The following ELMO1 variants were observed in gnomAD, a reference collection of about 807,000 sequenced individuals.
The protein encoded by ELMO1 is engulfment and cell motility 1.
ELMO1 carries 26 observed loss-of-function variants against 98.9 expected under a neutral mutation model. The observed-to-expected ratio is 0.26, with a 90% CI of 0.19 to 0.36. ELMO1 has a LOEUF of 0.36. Among genes scored for constraint, ELMO1 ranks in the 10% least tolerant of loss-of-function variants. The pLI is 1.00. For missense variants in ELMO1, 627 were observed against 935.2 expected (o/e 0.67, Z 4.30); for synonymous variants, 346 against 346.0 (o/e 1.00, Z 0.00).
At chr7:37,033,528 T>A in intron 15 of ELMO1, 1 of 390,486 alleles carries the variant, frequency 2.6e-6, no homozygotes, top group Non-Finnish European at 5.1e-6. Context: ...GACACTGGAT[T>A]ATAACTTTCC....
intron 16 of ELMO1, among the ~76,000 whole-genome samples, chr7:36,899,684 C>CT (rs10522661): frequency 0.076 from 4,849 of 63,700 alleles, 775 homozygotes; most frequent in East Asian, 0.39. Context: ...CTTTACTCAT[C>CT]TTTTTTTTTT....
intron 2 of ELMO1, among the ~76,000 whole-genome samples, chr7:37,319,637 A>G (rs995322396): frequency 2.0e-5 from 3 of 152,120 alleles, no homozygotes; most frequent in Admixed American, 6.5e-5. Context: ...CAGTTCCTAC[A>G]CTCAACTTGC....
At chr7:36,924,052 G>A (rs1785347177) in intron 16 of ELMO1, among the ~76,000 whole-genome samples, 1 of 152,160 alleles carries the variant, frequency 6.6e-6, no homozygotes, top group African/African-American at 2.4e-5. Flanking sequence ...AGCCACTAAA[G>A]GGTTGTGAAC....
intron 10 of ELMO1, among the ~76,000 whole-genome samples, chr7:37,221,843 G>A (rs80190778): frequency 1.4e-4 from 22 of 151,996 alleles, no homozygotes; most frequent in African/African-American, 2.2e-4. Context: ...GATTACAGGC[G>A]TGCACTATCA....
chr7:37,058,732 C>T (rs760242616), intron 15 of ELMO1, among the ~76,000 whole-genome samples: 10 of 152,110 alleles, frequency 6.6e-5, no homozygotes, highest in Non-Finnish European at 1.3e-4. Flanking sequence ...CTAGAAGACA[C>T]TTCTAGGAAA....
At chr7:37,169,910 C>CT (rs555540158) in intron 13 of ELMO1, among the ~76,000 whole-genome samples, 163 of 149,576 alleles carry the variant, frequency 1.1e-3, no homozygotes, top group African/African-American at 2.3e-3. Context: ...ATGCACATTT[C>CT]TTTTTTTTTT....
At chr7:37,423,280 T>C (rs1055952519) in intron 1 of ELMO1, among the ~76,000 whole-genome samples, 1 of 152,232 alleles carries the variant, frequency 6.6e-6, no homozygotes, top group African/African-American at 2.4e-5. Context: ...CTTCTGAGGC[T>C]AAATAAAACT....
intron 14 of ELMO1, among the ~76,000 whole-genome samples, chr7:37,110,902 G>A (rs775885833): frequency 3.8e-4 from 58 of 152,266 alleles, no homozygotes; most frequent in Non-Finnish European, 6.3e-4. Flanking sequence ...GAGCGTAGGG[G>A]ATTTTTTGGT....
chr7:37,342,234 AG>A lies in ELMO1; in HGVS notation c.78+378del, dbSNP rs1410885266. Among the ~76,000 whole-genome samples the A allele has an allele frequency of 2.0e-5, 3 of 152,224 alleles. No homozygotes were observed. The highest frequency in any genetic ancestry group is 7.2e-5 in the African/African-American group (3 of 41,460). On this transcript the variant is annotated intron_variant, in intron 2 of 21. Transcript: ENST00000310758. This position sits in a 1 kb window ranked among gnomAD's most constrained non-coding sequence, Gnocchi z 4.3. The stretch of plus-strand genomic sequence containing the variant: ...CTGCTTCTGCAAAAAATGAAAAAAA[AG>A]GGATTTTAAAAATTAAGTTTTGTCT...
intron 16 of ELMO1, among the ~76,000 whole-genome samples, chr7:36,968,510 T>C (rs1239019985): frequency 1.3e-5 from 2 of 152,196 alleles, no homozygotes; most frequent in African/African-American, 4.8e-5. Flanking sequence ...TGTCTGGGTG[T>C]ACTAATTGAG....
intron 1 of ELMO1, chr7:37,353,228 T>C (rs1267530657): frequency 2.0e-5 from 3 of 152,234 alleles, no homozygotes; most frequent in Admixed American, 6.5e-5. Context: ...TCCTTTTGTG[T>C]CCAGAATTGG....
intron 13 of ELMO1, among the ~76,000 whole-genome samples, chr7:37,200,672 A>T (rs1483382374): frequency 6.6e-6 from 1 of 152,052 alleles, no homozygotes; most frequent in Non-Finnish European, 1.5e-5. Context: ...CCCTTTTAAA[A>T]TTCCCCTTTA....
intron 16 of ELMO1, among the ~76,000 whole-genome samples, chr7:36,931,777 C>T (rs146900212): frequency 2.1e-4 from 32 of 152,294 alleles, no homozygotes; most frequent in East Asian, 1.4e-3. Flanking sequence ...GCTTGAGCTG[C>T]GTAACCTTGG....
intron 21 of ELMO1, among the ~76,000 whole-genome samples, chr7:36,859,196 A>G (rs1013209725): frequency 1.3e-5 from 2 of 152,226 alleles, no homozygotes; most frequent in African/African-American, 4.8e-5. Context: ...TCTGACTTGA[A>G]CAAAGTATGA....
At chr7:37,352,165 T>A (rs972773176) in intron 1 of ELMO1, among the ~76,000 whole-genome samples, 1 of 152,206 alleles carries the variant, frequency 6.6e-6, no homozygotes, top group African/African-American at 2.4e-5. Flanking sequence ...GAAACCAAGA[T>A]GTAAAGACAT....
At chr7:37,329,524 C>T (rs1020895916) in intron 2 of ELMO1, among the ~76,000 whole-genome samples, 8 of 152,108 alleles carry the variant, frequency 5.3e-5, no homozygotes, top group African/African-American at 1.9e-4. Context: ...TCTCAAATGA[C>T]AGGGGATTGC....
At chr7:37,229,510 A>T (rs1178356719) in intron 8 of ELMO1, among the ~76,000 whole-genome samples, 3 of 152,292 alleles carry the variant, frequency 2.0e-5, no homozygotes, top group Non-Finnish European at 4.4e-5. Context: ...AGGGAAAAAA[A>T]ATATTTCTCC....
At chr7:37,404,023 T>A (rs1423538189) in intron 1 of ELMO1, among the ~76,000 whole-genome samples, 1 of 152,144 alleles carries the variant, frequency 6.6e-6, no homozygotes, top group African/African-American at 2.4e-5. Flanking sequence ...TGGAACTCAC[T>A]GTGCTATCTA....
chr7:37,365,505 CT>C (rs1801869067), intron 1 of ELMO1, among the ~76,000 whole-genome samples: 1 of 152,222 alleles, frequency 6.6e-6, no homozygotes, highest in Non-Finnish European at 1.5e-5. Context: ...GAAGAGAAGC[CT>C]TCTTCTACCC....
Sources: allele counts gnomAD v4.1 joint callset (sites outside exome capture counted in the v4.1 genomes callset), GRCh38; gene constraint gnomAD v4.1.1; non-coding constraint Gnocchi (gnomAD v3.1); transcripts MANE v1.5; gene names NCBI Gene and HGNC (gene_info 2026-07-23, HGNC 2026-07-21).